Variants in CCBE1 observed in about 807,000 individuals in gnomAD.
CCBE1 encodes collagen and calcium binding EGF domains 1.
In CCBE1, 37 loss-of-function variants were observed where a neutral mutation model predicts 50.0. The observed-to-expected ratio is 0.74, with a 90% CI of 0.57 to 0.97. The LOEUF (loss-of-function observed/expected upper bound fraction) is 0.97, where lower values mean the gene tolerates loss of function less well. Ranked by LOEUF, CCBE1 falls within the 50% of genes least tolerant of loss-of-function variation. The pLI is 0.00. For synonymous variants in CCBE1, 234 were observed against 203.7 expected (o/e 1.15, Z -1.27); for missense variants, 538 against 523.8 (o/e 1.03, Z -0.26).
intron 2 of CCBE1, among the ~76,000 whole-genome samples, chr18:59,683,387 A>G (rs969406046): frequency 6.6e-6 from 1 of 152,176 alleles, no homozygotes. Flanking sequence ...GAACAGTGGG[A>G]ATTTTTCTTT....
At chr18:59,656,672 T>C (rs918764624) in intron 2 of CCBE1, among the ~76,000 whole-genome samples, 1 of 152,230 alleles carries the variant, frequency 6.6e-6, no homozygotes, top group Non-Finnish European at 1.5e-5. Flanking sequence ...CTAATTAATA[T>C]ATTTTAAGAG....
At chr18:59,624,773 G>A (rs1044580411) in intron 2 of CCBE1, among the ~76,000 whole-genome samples, 4 of 152,222 alleles carry the variant, frequency 2.6e-5, no homozygotes, top group African/African-American at 7.2e-5. Context: ...GCTAGGTAAG[G>A]TGATTCTACC....
rs1811346 is a variant in CCBE1, at chr18:59,535,591, G to A, written c.213-55353C>T. 5.1e-3 allele frequency among the ~76,000 whole-genome samples: 777 copies of A among 152,260 alleles called. 5 individuals carry two copies. The highest frequency in any genetic ancestry group is 0.018 in the African/African-American group (736 of 41,560). ...GAGAAATTCAAGTATATGAGTGTAA[G>A]GTCACTGTAGCAATGCTCTTAATAG... On this transcript the variant is annotated intron_variant, in intron 2 of 10. Transcript: ENST00000439986.
intron 7 of CCBE1, among the ~76,000 whole-genome samples, chr18:59,442,041 T>C (rs1267139389): frequency 2.0e-5 from 3 of 152,144 alleles, no homozygotes; most frequent in Admixed American, 6.5e-5. Flanking sequence ...CATAGTCCCA[T>C]CCTCCCTGAA....
At chr18:59,645,469 T>C (rs1424474700) in intron 2 of CCBE1, among the ~76,000 whole-genome samples, 1 of 152,210 alleles carries the variant, frequency 6.6e-6, no homozygotes, top group Admixed American at 6.5e-5. Context: ...ATCAGTCCTG[T>C]AGAAGCCCAC....
At chr18:59,548,972 G>C (rs112401100) in intron 2 of CCBE1, among the ~76,000 whole-genome samples, 1 of 151,734 alleles carries the variant, frequency 6.6e-6, no homozygotes, top group African/African-American at 2.4e-5. Flanking sequence ...GCATGGTGGC[G>C]CATTCCTGAA....
intron 2 of CCBE1, among the ~76,000 whole-genome samples, chr18:59,670,728 AC>A (rs2054419747): frequency 6.6e-6 from 1 of 152,124 alleles, no homozygotes; most frequent in African/African-American, 2.4e-5. Context: ...CGGGAGGATC[AC>A]CTGAGGTCAG....
Position 59,631,169 on chromosome 18 carries a change from T to C in CCBE1, c.212+65460A>G, listed in dbSNP as rs538626147. 5.2e-4 allele frequency among the ~76,000 whole-genome samples: 79 copies of C among 151,970 alleles called. No individual in the cohort carries two copies. In the South Asian group the frequency reaches 7.9e-3, roughly 15 times the overall value. On this transcript the variant is annotated intron_variant, in intron 2 of 10. Transcript: ENST00000439986. Reference sequence around the variant, plus strand: ...CATGGCAGTTGTTCAAATATTGATATGTAGCTCAACAAGAGTACATTCCAG... The same window carrying C: ...CATGGCAGTTGTTCAAATATTGATACGTAGCTCAACAAGAGTACATTCCAG...
intron 6 of CCBE1, among the ~76,000 whole-genome samples, chr18:59,451,154 A>G (rs527289906): frequency 2.0e-5 from 3 of 152,276 alleles, no homozygotes; most frequent in South Asian, 2.1e-4. Flanking sequence ...CCCATTTCCC[A>G]GCCCACAGTA....
At position 59,563,479 on chromosome 18, in the gene CCBE1, A is replaced by C. The variant is rs572637237; in HGVS notation, c.213-83241T>G. ...ATTTTTTTCTGTGAATCAGGAAGAT[A>C]ACATCACTATTTGATTCTGGCTGTG... On this transcript the variant is annotated intron_variant, in intron 2 of 10. Coordinates refer to ENST00000439986, the MANE Select transcript of CCBE1 (RefSeq NM_133459.4). Among the ~76,000 whole-genome samples, 3 of 152,314 alleles carry C rather than the reference A, an allele frequency of 2.0e-5. No individual in the cohort carries two copies. The South Asian group carries it at 6.2e-4, about 32-fold the overall frequency.
chr18:59,637,485 C>T (rs1357629936), intron 2 of CCBE1, among the ~76,000 whole-genome samples: 2 of 151,914 alleles, frequency 1.3e-5, no homozygotes, highest in African/African-American at 4.8e-5. Context: ...CCCAGAAGGA[C>T]AGATAAAACA....
intron 5 of CCBE1, among the ~76,000 whole-genome samples, chr18:59,455,535 C>T (rs1417678292): frequency 2.0e-5 from 3 of 152,234 alleles, no homozygotes; most frequent in African/African-American, 7.2e-5. Flanking sequence ...CCAACCACTG[C>T]AAAGGGTCCC....
rs202054952 is a variant in CCBE1, at chr18:59,667,327, T to C, written c.212+29302A>G. On this transcript the variant is annotated intron_variant, in intron 2 of 10. Transcript: ENST00000439986. ...GGTACATTTTTCTATTTCGTAAGGA[T>C]TGTACACTGCAGAAAAATTAGAAAC... Among the ~76,000 whole-genome samples, 4 of 152,108 alleles carry C rather than the reference T, an allele frequency of 2.6e-5. No individual in the cohort carries two copies. The East Asian group carries it at 5.8e-4, about 22-fold the overall frequency.
At chr18:59,631,488 T>G (rs1450723882) in intron 2 of CCBE1, among the ~76,000 whole-genome samples, 1 of 151,978 alleles carries the variant, frequency 6.6e-6, no homozygotes, top group Non-Finnish European at 1.5e-5. Context: ...ATGGAAACAC[T>G]CCAAAAGATT....
chr18:59,610,677 T>G (rs962997589), intron 2 of CCBE1, among the ~76,000 whole-genome samples: 2 of 152,204 alleles, frequency 1.3e-5, no homozygotes, highest in South Asian at 2.1e-4. Flanking sequence ...GGAGCATGGG[T>G]GCCTGCAGCT....
intron 2 of CCBE1, among the ~76,000 whole-genome samples, chr18:59,574,089 G>T (rs935856522): frequency 1.3e-5 from 2 of 152,160 alleles, no homozygotes; most frequent in African/African-American, 2.4e-5. Context: ...ACTAAAAAAG[G>T]CTACACCCAG....
chr18:59,503,153 C>T (rs1913705371), intron 2 of CCBE1, among the ~76,000 whole-genome samples: 1 of 152,144 alleles, frequency 6.6e-6, no homozygotes, highest in Non-Finnish European at 1.5e-5. Flanking sequence ...CAGCTGGAGG[C>T]CAGGGAGTGA....
rs75085548 is a variant in CCBE1, at chr18:59,580,223, G to A, written c.213-99985C>T. 2.0e-3 allele frequency among the ~76,000 whole-genome samples: 300 copies of A among 152,226 alleles called. 4 individuals are homozygous for A. The East Asian group carries it at 0.03, about 15-fold the overall frequency. On this transcript the variant is annotated intron_variant, in intron 2 of 10. Transcript: ENST00000439986. ...TGCTGAAATAAACACATATCTGATC[G>A]CCTCCTTTGGAGATGCTAATCAGAA...
chr18:59,650,366 G>C (rs2054110968), intron 2 of CCBE1, among the ~76,000 whole-genome samples: 1 of 150,714 alleles, frequency 6.6e-6, no homozygotes, highest in African/African-American at 2.4e-5. Context: ...CAGACCTCTA[G>C]AGTGACCCCC....
Sources: allele counts gnomAD v4.1 joint callset (sites outside exome capture counted in the v4.1 genomes callset), GRCh38; gene constraint gnomAD v4.1.1; transcripts MANE v1.5; gene names NCBI Gene and HGNC (gene_info 2026-07-23, HGNC 2026-07-21).